The following KCNIP3 variants were observed in gnomAD, a reference collection of about 807,000 sequenced individuals.
KCNIP3 encodes the protein calsenilin.
In KCNIP3, 28 loss-of-function variants were observed where a neutral mutation model predicts 35.0. That is an observed-to-expected ratio of 0.80 (90% CI 0.59 to 1.10). The LOEUF (loss-of-function observed/expected upper bound fraction) is 1.10. KCNIP3 is among the 50% of genes least tolerant of loss of function. The pLI is 0.00. For synonymous variants in KCNIP3, 134 were observed against 133.8 expected (o/e 1.00, Z -0.01); for missense variants, 295 against 338.4 (o/e 0.87, Z 1.01).
At chr2:95,347,202 G>C in intron 2 of KCNIP3, 1 of 1,252,750 alleles carries the variant, frequency 8.0e-7, no homozygotes, top group South Asian at 1.3e-5. Flanking sequence ...CCCGCACGCC[G>C]GGGTGCACTG....
At chr2:95,364,907 A>G (rs1209952849) in intron 2 of KCNIP3, among the ~76,000 whole-genome samples, 1 of 152,020 alleles carries the variant, frequency 6.6e-6, no homozygotes, top group East Asian at 1.9e-4. Context: ...CAACATGACA[A>G]AACCCTGTCT....
intron 5 of KCNIP3, among the ~76,000 whole-genome samples, chr2:95,381,291 A>G (rs1308070478): frequency 6.6e-6 from 1 of 152,076 alleles, no homozygotes; most frequent in African/African-American, 2.4e-5. Flanking sequence ...AGGTGCACAC[A>G]CAGGTGCACA....
intron 2 of KCNIP3, chr2:95,312,611 C>T (rs1037636495): frequency 6.6e-6 from 1 of 152,280 alleles, no homozygotes; most frequent in African/African-American, 2.4e-5. Context: ...GTGAACGACA[C>T]ATCCAAGAGC....
intron 2 of KCNIP3, among the ~76,000 whole-genome samples, chr2:95,362,497 A>G (rs1422734126): frequency 2.0e-5 from 3 of 152,210 alleles, no homozygotes; most frequent in Admixed American, 6.5e-5. Context: ...TAAGGACCCT[A>G]TCTCCAAATA....
intron 8 of KCNIP3, 117 bp from the exon 9 acceptor site, chr2:95,383,885 A>AAGAC (rs913344420): frequency 3.4e-6 from 3 of 886,486 alleles, no homozygotes; most frequent in Non-Finnish European, 5.7e-6. Flanking sequence ...TGCACCCAAT[A>AAGAC]AGACAGACAG....
At chr2:95,364,154 A>T (rs1480475297) in intron 2 of KCNIP3, among the ~76,000 whole-genome samples, 1 of 152,122 alleles carries the variant, frequency 6.6e-6, no homozygotes, top group African/African-American at 2.4e-5. Context: ...TAAATATGTG[A>T]TTTGCAAATA....
rs1573524950 is a variant in KCNIP3, at chr2:95,382,214, C to T, written c.556-163C>T. On this transcript the variant is annotated intron_variant, in intron 6 of 8. Transcript: ENST00000295225. This position sits in a 1 kb window ranked among gnomAD's most constrained non-coding sequence, Gnocchi z 4.5. ...AGCTTCCCCTAGAGTCAGAAGCTCG[C>T]TCTGGGTGCCCTGGAAGCGGACAGG... is the stretch of plus-strand genomic sequence containing the variant. Among the ~76,000 whole-genome samples the T allele has an allele frequency of 3.3e-5, 5 of 152,334 alleles. No homozygotes were observed. The South Asian group carries it at 1.0e-3, about 32-fold the overall frequency.
At chr2:95,373,423 T>G (rs1274453593) in intron 2 of KCNIP3, among the ~76,000 whole-genome samples, 1 of 135,970 alleles carries the variant, frequency 7.4e-6, no homozygotes, top group Non-Finnish European at 1.6e-5. Context: ...GGTTTTTTTT[T>G]TTTTTTTTTT....
chr2:95,300,304 AC>A (rs1677990539), intron 1 of KCNIP3, among the ~76,000 whole-genome samples: 1 of 152,116 alleles, frequency 6.6e-6, no homozygotes, highest in Admixed American at 6.5e-5. Flanking sequence ...GAAGTAAAGG[AC>A]CCCAACATTT....
intron 2 of KCNIP3, among the ~76,000 whole-genome samples, chr2:95,331,173 A>C (rs1558765721): frequency 6.6e-6 from 1 of 152,112 alleles, no homozygotes; most frequent in African/African-American, 2.4e-5. Context: ...GTGGCTGTCC[A>C]GGGTGGCAGC....
chr2:95,379,310 T>G (rs1356899472), intron 5 of KCNIP3, among the ~76,000 whole-genome samples: 1 of 152,264 alleles, frequency 6.6e-6, no homozygotes, highest in East Asian at 1.9e-4. Context: ...TGCCTACGGT[T>G]AACATTGGTC....
intron 2 of KCNIP3, among the ~76,000 whole-genome samples, chr2:95,370,437 A>G (rs2104295439): frequency 6.6e-6 from 1 of 152,336 alleles, no homozygotes; most frequent in South Asian, 2.1e-4. Flanking sequence ...AACACCTGAG[A>G]TGCTTAGGGA....
intron 2 of KCNIP3, among the ~76,000 whole-genome samples, chr2:95,326,659 G>A (rs1558764451): frequency 6.6e-6 from 1 of 152,248 alleles, no homozygotes; most frequent in Non-Finnish European, 1.5e-5. Context: ...GGTCTCCCCA[G>A]AGGACAGGCC....
At chr2:95,325,674 TAC>T (rs1036573926) in intron 2 of KCNIP3, among the ~76,000 whole-genome samples, 11 of 144,412 alleles carry the variant, frequency 7.6e-5, no homozygotes, top group Non-Finnish European at 1.4e-4. Context: ...CTCATACACA[TAC>T]ACACTCATAC....
At chr2:95,319,723 C>T (rs1288557154) in intron 2 of KCNIP3, among the ~76,000 whole-genome samples, 1 of 152,224 alleles carries the variant, frequency 6.6e-6, no homozygotes, top group East Asian at 1.9e-4. Flanking sequence ...GAGTCCGTAT[C>T]GTCTGGAGCT....
At chr2:95,324,250 G>A (rs1467223139) in intron 2 of KCNIP3, among the ~76,000 whole-genome samples, 1 of 152,214 alleles carries the variant, frequency 6.6e-6, no homozygotes, top group African/African-American at 2.4e-5. Context: ...GGTGGCTCAC[G>A]CCTGTAATCC....
intron 2 of KCNIP3, among the ~76,000 whole-genome samples, chr2:95,319,575 T>A (rs1257105774): frequency 6.6e-6 from 1 of 152,158 alleles, no homozygotes; most frequent in East Asian, 1.9e-4. Context: ...TTGCTCCTCC[T>A]GGCTAGTGAC....
At chr2:95,381,234 C>T (rs1174551477) in intron 5 of KCNIP3, among the ~76,000 whole-genome samples, 1 of 152,190 alleles carries the variant, frequency 6.6e-6, no homozygotes, top group Admixed American at 6.5e-5. Flanking sequence ...TCCTGCCACA[C>T]ATGCAGACAC....
chr2:95,384,344 A>G lies in KCNIP3; in HGVS notation c.*295A>G. On this transcript the variant is annotated 3_prime_UTR_variant, in exon 9 of 9. Transcript: ENST00000295225. ...CCTCTGGGTGAGTGGCTGACAGAGC[A>G]GGTCTGCAGGCCACCAGCTGCTGGA... 2.2e-6 allele frequency: 1 copy of G among 449,912 alleles called. No individual in the cohort carries two copies. Among genetic ancestry groups the G allele is most frequent in the South Asian group, 3.2e-5 (1 of 31,320 alleles). 27.9% of individuals were successfully genotyped at this position (449,912 alleles called of 1,614,324 possible).
Sources: gnomAD v4.1 joint callset for allele counts (sites outside exome capture counted in the v4.1 genomes callset) on GRCh38, gnomAD v4.1.1 for gene constraint, Gnocchi (gnomAD v3.1) non-coding constraint, MANE v1.5 for transcripts, NCBI Gene and HGNC (gene_info 2026-07-23, HGNC 2026-07-21) for gene names.